Variants in DOCK1 observed in about 807,000 individuals in gnomAD.
The protein encoded by DOCK1 is dedicator of cytokinesis 1, also known as dedicator of cytokinesis protein 1.
In DOCK1, 138 loss-of-function variants were observed where a neutral mutation model predicts 262.7. The ratio of observed to expected loss-of-function variants is 0.53; its 90% CI spans 0.46 to 0.61. The LOEUF is 0.61. Among genes scored for constraint, DOCK1 ranks in the 20% least tolerant of loss-of-function variants. DOCK1 has a pLI of 0.00. For missense variants in DOCK1, 1,908 were observed against 2,370.7 expected (o/e 0.80, Z 4.05); for synonymous variants, 866 against 867.4 (o/e 1.00, Z 0.03).
intron 1 of DOCK1, among the ~76,000 whole-genome samples, chr10:126,943,374 G>A (rs1333029680): frequency 1.3e-5 from 2 of 152,178 alleles, no homozygotes; most frequent in African/African-American, 4.8e-5. Context: ...AACTGCTTGG[G>A]ATCAGATCCT....
chr10:127,431,318 G>A lies in DOCK1; in HGVS notation c.4915-1965G>A, dbSNP rs149649477. Among the ~76,000 whole-genome samples the A allele has an allele frequency of 2.5e-3, 381 of 152,290 alleles. 1 individual carries two copies. Among genetic ancestry groups the A allele is most frequent in the African/African-American group, 7.7e-3 (322 of 41,568 alleles). On this transcript the variant is annotated intron_variant, in intron 47 of 51. Coordinates refer to ENST00000623213, the MANE Select transcript of DOCK1 (RefSeq NM_001290223.2). ...AGGCTCAATCAAGAAGGAATTATGC[G>A]GCAGACCGCCCAGTAAACCCATGGT...
chr10:127,323,888 G>T (rs1021125543), intron 29 of DOCK1, among the ~76,000 whole-genome samples: 3 of 152,252 alleles, frequency 2.0e-5, no homozygotes, highest in Admixed American at 1.3e-4. Context: ...CTGAGCTGGT[G>T]TTCAGTGCTT....
At chr10:127,137,893 G>C (rs542825513) in intron 27 of DOCK1, 14 of 1,614,124 alleles carry the variant, frequency 8.7e-6, no homozygotes, top group Admixed American at 3.3e-5. Flanking sequence ...TTGGATTTTT[G>C]CTTGGGAGTT....
At chr10:126,934,893 G>T (rs2034461907) in intron 1 of DOCK1, among the ~76,000 whole-genome samples, 1 of 152,052 alleles carries the variant, frequency 6.6e-6, no homozygotes, top group Non-Finnish European at 1.5e-5. Flanking sequence ...AAGGTGGGCG[G>T]GTCATGAGGT....
chr10:127,374,400 G>A (rs2134041801), intron 35 of DOCK1, among the ~76,000 whole-genome samples, 186 bp downstream of exon 35: 1 of 152,256 alleles, frequency 6.6e-6, no homozygotes, highest in East Asian at 1.9e-4. Context: ...GAATAAGTCT[G>A]TAAAATTGTC....
chr10:127,059,085 T>C (rs1425644936), intron 22 of DOCK1, among the ~76,000 whole-genome samples: 1 of 152,186 alleles, frequency 6.6e-6, no homozygotes, highest in Non-Finnish European at 1.5e-5. Context: ...TTTCACTCAC[T>C]ATAGCATTCT....
intron 27 of DOCK1, among the ~76,000 whole-genome samples, chr10:127,180,886 G>GT (rs1220518002): frequency 6.6e-6 from 1 of 152,188 alleles, no homozygotes; most frequent in African/African-American, 2.4e-5. Context: ...CATCGTTGTG[G>GT]TATTAAGATA....
At chr10:127,261,641 C>G (rs1251423753) in intron 29 of DOCK1, among the ~76,000 whole-genome samples, 1 of 44,266 alleles carries the variant, frequency 2.3e-5, no homozygotes, top group Admixed American at 2.4e-4. Flanking sequence ...GCATGTGTAC[C>G]TGCATGTGTG....
Position 127,439,061 on chromosome 10 carries a change from C to G in DOCK1, c.5095C>G (p.His1699Asp), listed in dbSNP as rs765215139. 3.9e-6 allele frequency: 6 copies of G among 1,554,202 alleles called. No individual in the cohort carries two copies. Among genetic ancestry groups the G allele is most frequent in the Non-Finnish European group, 1.7e-6 (2 of 1,148,372 alleles). ...GGAGCCTCTCCTGCCAAAGAAAATG[C>G]ACTCCAGGTCCCAGGACAAGCTGGA... The part of the protein sequence containing the change: ...ALEPLLPKKM[H>D]SRSQDKLDKD... The change falls in exon 49 of 52, where the codon CAC becomes GAC. Residue 1699 changes from histidine to aspartate, a missense_variant. By Grantham distance (81) the His-to-Asp change is moderately conservative (BLOSUM62 -1). This residue lies in a region of DOCK1 where 383 missense variants were observed against 420.1 expected (regional missense o/e 0.91). Coordinates refer to ENST00000623213, the MANE Select transcript of DOCK1 (RefSeq NM_001290223.2).
chr10:126,921,296 G>A (rs2033169867), intron 1 of DOCK1, among the ~76,000 whole-genome samples: 2 of 151,344 alleles, frequency 1.3e-5, no homozygotes, highest in East Asian at 3.9e-4. Context: ...CAATTCAAAT[G>A]TCCATCATTG....
intron 6 of DOCK1, among the ~76,000 whole-genome samples, chr10:126,990,897 G>C (rs928008371): frequency 1.3e-5 from 2 of 152,154 alleles, no homozygotes; most frequent in Non-Finnish European, 2.9e-5. Context: ...CCCCTAGCAA[G>C]GAACTTTTAC....
intron 16 of DOCK1, among the ~76,000 whole-genome samples, chr10:127,030,255 C>G (rs1467497099): frequency 2.0e-5 from 3 of 152,178 alleles, no homozygotes; most frequent in Non-Finnish European, 4.4e-5. Context: ...TAGTTTCCAG[C>G]TCTGGTCCTC....
At chr10:127,234,666 A>G (rs2058980525) in intron 27 of DOCK1, among the ~76,000 whole-genome samples, 1 of 152,128 alleles carries the variant, frequency 6.6e-6, no homozygotes, top group African/African-American at 2.4e-5. Context: ...AGTACATGCA[A>G]AAGAATAAAT....
Position 127,175,202 on chromosome 10 carries a change from A to G in DOCK1, c.2847+47438A>G, listed in dbSNP as rs769099588. The stretch of plus-strand genomic sequence containing the variant: ...GCATAGCTTCCTAAGACATGGGTGA[A>G]CATACATACCCTTCCCGATGGGCCT... On this transcript the variant is annotated intron_variant, in intron 27 of 51. Coordinates refer to ENST00000623213, the MANE Select transcript of DOCK1 (RefSeq NM_001290223.2). This position sits in a 1 kb window ranked among gnomAD's most constrained non-coding sequence, Gnocchi z 6.3. The G allele has an allele frequency of 6.2e-6, 10 of 1,600,166 alleles. No individual in the cohort carries two copies. In the East Asian group the frequency reaches 1.1e-4, roughly 18 times the overall value.
intron 1 of DOCK1, among the ~76,000 whole-genome samples, chr10:126,957,710 G>A (rs1019905576): frequency 2.6e-5 from 4 of 152,090 alleles, no homozygotes; most frequent in Admixed American, 6.6e-5. Context: ...GATCTCATGG[G>A]CTCAAGTGAT....
intron 49 of DOCK1, among the ~76,000 whole-genome samples, chr10:127,443,473 CCCTT>C (rs551668916): frequency 1.1e-3 from 161 of 152,240 alleles, no homozygotes; most frequent in African/African-American, 3.7e-3. Context: ...TTAAGCCTCT[CCCTT>C]TGTCTTTGTC....
intron 1 of DOCK1, among the ~76,000 whole-genome samples, chr10:126,919,871 T>A (rs1175363082): frequency 6.6e-6 from 1 of 152,174 alleles, no homozygotes; most frequent in Non-Finnish European, 1.5e-5. Flanking sequence ...TGCCGTACAT[T>A]GAATGAAGGC....
chr10:126,972,818 G>A lies in DOCK1; in HGVS notation c.130+2033G>A, dbSNP rs146439707. 2.2e-4 allele frequency among the ~76,000 whole-genome samples: 34 copies of A among 151,638 alleles called. No homozygotes were observed. The East Asian group carries it at 6.3e-3, about 28-fold the overall frequency. ...AAAGTCCTGTCTGAAAAAAAAAATC[G>A]ACTTTAGTGGCCTCTGCGTGGAAGC... On this transcript the variant is annotated intron_variant, in intron 2 of 51. Transcript: ENST00000623213.
chr10:127,113,397 G>A (rs1016475032), intron 25 of DOCK1, among the ~76,000 whole-genome samples: 1 of 152,182 alleles, frequency 6.6e-6, no homozygotes, highest in Admixed American at 6.5e-5. Context: ...TTGCTTCTCA[G>A]CTTGTGTGTT....
Sources: gnomAD v4.1 joint callset for allele counts (sites outside exome capture counted in the v4.1 genomes callset) on GRCh38, gnomAD v4.1.1 for gene constraint, gnomAD v4.1.1 regional missense constraint, Gnocchi (gnomAD v3.1) non-coding constraint, MANE v1.5 for transcripts, NCBI Gene and HGNC (gene_info 2026-07-23, HGNC 2026-07-21) for gene names.